Variants in PHACTR3 observed in about 807,000 individuals in gnomAD.
PHACTR3 encodes phosphatase and actin regulator 3, also known as protein phosphatase 1, regulatory subunit 123.
In PHACTR3, 16 loss-of-function variants were observed where a neutral mutation model predicts 66.8. The observed-to-expected ratio is 0.24, with a 90% CI of 0.16 to 0.36. The LOEUF (loss-of-function observed/expected upper bound fraction) is 0.36, where lower values mean the gene tolerates loss of function less well. PHACTR3 is among the 10% of genes least tolerant of loss of function. The pLI, the probability that PHACTR3 is intolerant of heterozygous loss-of-function variation, is 1.00. For missense variants in PHACTR3, 647 were observed against 719.9 expected (o/e 0.90, Z 1.16); for synonymous variants, 323 against 292.1 (o/e 1.11, Z -1.08).
In PHACTR3 at chr20:59,604,816, A is replaced by G. The variant is rs2033598645; in HGVS notation, c.-199A>G. 3.4e-6 allele frequency: 4 copies of G among 1,181,744 alleles called. No homozygotes were observed. The highest frequency in any genetic ancestry group is 4.2e-6 in the Non-Finnish European group (4 of 962,894). 73.2% of individuals were successfully genotyped at this position (1,181,744 alleles called of 1,614,324 possible). On this transcript the variant is annotated 5_prime_UTR_variant, in exon 1 of 13. Transcript: ENST00000371015. Reference sequence around the variant, plus strand: ...GCGCCTGGCTGCAGCCGGCGAGGCTATTGTCTCCCCGCCCTGAAGCCAGCC... The same window carrying G: ...GCGCCTGGCTGCAGCCGGCGAGGCTGTTGTCTCCCCGCCCTGAAGCCAGCC...
rs80190989 is a variant in PHACTR3, at chr20:59,830,954, G to A, written c.1329-5551G>A. Among the ~76,000 whole-genome samples, 21 of 151,730 alleles carry A rather than the reference G, an allele frequency of 1.4e-4. No individual in the cohort carries two copies. The East Asian group carries it at 2.7e-3, about 20-fold the overall frequency. ...GCACAGTGGCATCATGACTCCTGGA[G>A]CCTCTCCAGGCGTCCTGACTGTCCA... On this transcript the variant is annotated intron_variant, in intron 8 of 12. Transcript: ENST00000371015. This position sits in a 1 kb window ranked among gnomAD's most constrained non-coding sequence, Gnocchi z 5.8.
chr20:59,775,122 C>T (rs900922832), intron 7 of PHACTR3, among the ~76,000 whole-genome samples: 10 of 151,736 alleles, frequency 6.6e-5, no homozygotes, highest in South Asian at 2.1e-4. Flanking sequence ...TTGAGGACTC[C>T]GGGGCTCGGG....
chr20:59,747,383 G>A lies in PHACTR3; in HGVS notation c.281-375G>A, dbSNP rs76208653. 1.1e-3 allele frequency among the ~76,000 whole-genome samples: 171 copies of A among 152,364 alleles called. 2 individuals are homozygous for A. Among genetic ancestry groups the A allele is most frequent in the African/African-American group, 4.0e-3 (168 of 41,596 alleles). Reference sequence around the variant, plus strand: ...GGAACCACGGAAAGGAGCCCGGGGTGTTGGCGGCAGAGGGAGGGCACTTTC... The same window carrying A: ...GGAACCACGGAAAGGAGCCCGGGGTATTGGCGGCAGAGGGAGGGCACTTTC... On this transcript the variant is annotated intron_variant, in intron 2 of 12. Transcript: ENST00000371015.
intron 1 of PHACTR3, among the ~76,000 whole-genome samples, chr20:59,621,460 G>GCATGGTCTTGGCA (rs2034235708): frequency 6.6e-6 from 1 of 152,250 alleles, no homozygotes; most frequent in Admixed American, 6.5e-5. Flanking sequence ...AGGGCTGGGA[G>GCATGGTCTTGGCA]CATGGTCTTG....
chr20:59,689,062 C>A (rs2037003224), intron 1 of PHACTR3, among the ~76,000 whole-genome samples: 1 of 152,154 alleles, frequency 6.6e-6, no homozygotes, highest in Admixed American at 6.5e-5. Flanking sequence ...CTCTAGATAC[C>A]CACACTATCT....
At chr20:59,773,609 C>A (rs776063587) in intron 6 of PHACTR3, among the ~76,000 whole-genome samples, 156 bp downstream of exon 6, 2 of 152,266 alleles carry the variant, frequency 1.3e-5, no homozygotes, top group Admixed American at 6.5e-5. Context: ...TTTTGCACCT[C>A]GCTCTGCAGA....
At chr20:59,834,524 CT>C (rs1365386295) in intron 8 of PHACTR3, among the ~76,000 whole-genome samples, 1 of 152,234 alleles carries the variant, frequency 6.6e-6, no homozygotes, top group Non-Finnish European at 1.5e-5. Flanking sequence ...CTTGCAGACA[CT>C]GCTGTACCAA....
chr20:59,620,828 G>T (rs1354976475), intron 1 of PHACTR3, among the ~76,000 whole-genome samples: 1 of 152,160 alleles, frequency 6.6e-6, no homozygotes, highest in Non-Finnish European at 1.5e-5. Flanking sequence ...TGCGTGTTCA[G>T]GGGTGGCTGT....
chr20:59,789,181 G>A (rs2041015915), intron 7 of PHACTR3, among the ~76,000 whole-genome samples: 1 of 152,174 alleles, frequency 6.6e-6, no homozygotes, highest in Non-Finnish European at 1.5e-5. Context: ...TCTGGGGGAG[G>A]CATCTTCCTG....
chr20:59,652,845 A>G (rs1238979202), intron 1 of PHACTR3, among the ~76,000 whole-genome samples: 1 of 152,138 alleles, frequency 6.6e-6, no homozygotes, highest in Non-Finnish European at 1.5e-5. Flanking sequence ...GTGAAAAAAA[A>G]ATCGGGATAT....
chr20:59,620,063 C>T (rs968985919), intron 1 of PHACTR3, among the ~76,000 whole-genome samples: 1 of 152,210 alleles, frequency 6.6e-6, no homozygotes, highest in African/African-American at 2.4e-5. Context: ...GCTTCTCACA[C>T]TCACCCTAAA....
intron 1 of PHACTR3, among the ~76,000 whole-genome samples, chr20:59,692,054 C>T (rs186456157): frequency 6.6e-6 from 1 of 152,222 alleles, no homozygotes; most frequent in South Asian, 2.1e-4. Flanking sequence ...CCATTTATCT[C>T]TTAGCCTTCC....
At chr20:59,781,236 A>G (rs1398082057) in intron 7 of PHACTR3, among the ~76,000 whole-genome samples, 1 of 152,182 alleles carries the variant, frequency 6.6e-6, no homozygotes, top group Non-Finnish European at 1.5e-5. Flanking sequence ...GCAAGGGACA[A>G]GGGCAAGGGG....
intron 4 of PHACTR3, among the ~76,000 whole-genome samples, chr20:59,762,565 G>T (rs1251007907): frequency 6.6e-6 from 1 of 152,200 alleles, no homozygotes. Flanking sequence ...CGAGGGTCAG[G>T]GTGGCTGCAC....
intron 2 of PHACTR3, among the ~76,000 whole-genome samples, chr20:59,744,201 G>A (rs1180473769): frequency 6.6e-6 from 1 of 152,250 alleles, no homozygotes; most frequent in Non-Finnish European, 1.5e-5. Context: ...CGGAAGGGAT[G>A]GGGAACAGGC....
At chr20:59,691,624 G>A (rs1370329009) in intron 1 of PHACTR3, among the ~76,000 whole-genome samples, 1 of 151,884 alleles carries the variant, frequency 6.6e-6, no homozygotes, top group Non-Finnish European at 1.5e-5. Context: ...GCTTTTTCTA[G>A]TTCTTCTTGT....
At chr20:59,826,927 G>T (rs1238383168) in intron 8 of PHACTR3, among the ~76,000 whole-genome samples, 1 of 152,170 alleles carries the variant, frequency 6.6e-6, no homozygotes, top group African/African-American at 2.4e-5. Context: ...GTTTGGTCCT[G>T]AAAGTCAAGG....
intron 1 of PHACTR3, among the ~76,000 whole-genome samples, chr20:59,704,162 G>A (rs183828203): frequency 6.6e-6 from 1 of 152,222 alleles, no homozygotes; most frequent in Admixed American, 6.5e-5. Context: ...CCATCGGCAA[G>A]GAATAAAATG....
intron 1 of PHACTR3, among the ~76,000 whole-genome samples, chr20:59,669,716 A>T (rs2036126026): frequency 6.6e-6 from 1 of 152,232 alleles, no homozygotes; most frequent in Non-Finnish European, 1.5e-5. Context: ...TAGAAATGGA[A>T]TCACATGACA....
Sources: allele counts gnomAD v4.1 joint callset (sites outside exome capture counted in the v4.1 genomes callset), GRCh38; gene constraint gnomAD v4.1.1; non-coding constraint Gnocchi (gnomAD v3.1); transcripts MANE v1.5; gene names NCBI Gene and HGNC (gene_info 2026-07-23, HGNC 2026-07-21).